Variants in GUCY1B1 observed in about 807,000 individuals in gnomAD.
GUCY1B1 encodes guanylate cyclase 1 soluble subunit beta 1, also known as guanylate cyclase soluble subunit beta-1.
GUCY1B1 carries 43 observed loss-of-function variants against 71.0 expected under a neutral mutation model. That is an observed-to-expected ratio of 0.61 (90% CI 0.47 to 0.78). The LOEUF (loss-of-function observed/expected upper bound fraction) is 0.78, where lower values mean the gene tolerates loss of function less well. Ranked by LOEUF, GUCY1B1 falls within the 30% of genes least tolerant of loss-of-function variation. The pLI is 0.00. For synonymous variants in GUCY1B1, 266 were observed against 259.7 expected (o/e 1.02, Z -0.23); for missense variants, 535 against 754.1 (o/e 0.71, Z 3.40).
At position 155,802,620 on chromosome 4, in the gene GUCY1B1, C is replaced by T. The variant is rs1188974629; in HGVS notation, c.1413+41C>T. The T allele has an allele frequency of 2.0e-6, 3 of 1,496,104 alleles. No individual in the cohort carries two copies. The highest frequency in any genetic ancestry group is 2.2e-5 in the Admixed American group (1 of 44,452). The allele number at this position is 1,496,104 out of a possible 1,614,324, so 92.7% of individuals were successfully genotyped here. A position where few individuals can be genotyped will look rare whatever the true frequency, so the allele number is the denominator to read the frequency against. On this transcript the variant is annotated intron_variant, in intron 10 of 13. Coordinates refer to ENST00000264424, the MANE Select transcript of GUCY1B1 (RefSeq NM_000857.5). This position sits in a 1 kb window ranked among gnomAD's most constrained non-coding sequence, Gnocchi z 4.3. ...CGCTGACTGCAGAGCTATCCAGAGG[C>T]TGGCGTTCTGAGACTCCCCTCCAGA...
At chr4:155,779,431 CA>C (rs1309310762) in intron 4 of GUCY1B1, among the ~76,000 whole-genome samples, 1 of 152,122 alleles carries the variant, frequency 6.6e-6, no homozygotes, top group African/African-American at 2.4e-5. Context: ...TGATTGATTT[CA>C]TGTTAAAATG....
rs1053672135 is a variant in GUCY1B1 at position 155,803,716 on chromosome 4, C to T, written c.1506C>T (p.Asp502=). The T allele has an allele frequency of 3.1e-6, 5 of 1,601,712 alleles. No homozygotes were observed. In the African/African-American group the frequency reaches 5.4e-5, roughly 17 times the overall value. ...HARSICHLAL[D]MMEIAGQVQV... ...GATCCATCTGCCACCTGGCCTTGGA[C>T]ATGATGGAAATTGCTGGCCAGGTTC... The change falls in exon 11 of 14, where the codon GAC becomes GAT. Residue 502 remains aspartate, a synonymous_variant. Coordinates refer to ENST00000264424, the MANE Select transcript of GUCY1B1 (RefSeq NM_000857.5).
At chr4:155,794,132 A>T in intron 6 of GUCY1B1, 46 bp downstream of exon 6, 1 of 1,016,978 alleles carries the variant, frequency 9.8e-7, no homozygotes, top group South Asian at 1.4e-5. Flanking sequence ...AAAAGCCCAT[A>T]GAAATACTAT....
At chr4:155,798,513 G>T (rs1241925753) in intron 8 of GUCY1B1, among the ~76,000 whole-genome samples, 1 of 152,104 alleles carries the variant, frequency 6.6e-6, no homozygotes, top group East Asian at 1.9e-4. Flanking sequence ...GAAATTAAAA[G>T]ACACCGTGTA....
intron 4 of GUCY1B1, among the ~76,000 whole-genome samples, chr4:155,778,701 A>C (rs1738219395): frequency 6.6e-6 from 1 of 152,246 alleles, no homozygotes; most frequent in Admixed American, 6.5e-5. Context: ...AAAAGCTGCC[A>C]CTTCCAAATG....
intron 10 of GUCY1B1, among the ~76,000 whole-genome samples, chr4:155,803,051 A>G (rs761162564): frequency 6.6e-6 from 1 of 152,206 alleles, no homozygotes; most frequent in Non-Finnish European, 1.5e-5. Flanking sequence ...CCTTTGTTTC[A>G]TTTAGAAATA....
intron 1 of GUCY1B1, 162 bp from the exon 2 acceptor site, chr4:155,759,625 C>T (rs1579176982): frequency 1.8e-6 from 1 of 552,782 alleles, no homozygotes; most frequent in East Asian, 3.2e-5. Flanking sequence ...TGCGCCCCCA[C>T]GATCCGACTC....
At chr4:155,771,284 G>A (rs1437644941) in intron 2 of GUCY1B1, among the ~76,000 whole-genome samples, 1 of 152,140 alleles carries the variant, frequency 6.6e-6, no homozygotes, top group Non-Finnish European at 1.5e-5. Context: ...GGTCATTTCA[G>A]GAAGTAAAGC....
chr4:155,797,394 T>C (rs1383881558), intron 8 of GUCY1B1, among the ~76,000 whole-genome samples: 1 of 152,212 alleles, frequency 6.6e-6, no homozygotes, highest in Non-Finnish European at 1.5e-5. Context: ...CCTCCTGTTA[T>C]ATTATTACTA....
chr4:155,789,988 T>C, intron 5 of GUCY1B1, 77 bp downstream of exon 5: 1 of 934,054 alleles, frequency 1.1e-6, no homozygotes, highest in Non-Finnish European at 1.7e-6. Flanking sequence ...TAAATTTACC[T>C]GCAGTTATCA....
At chr4:155,789,301 T>C (rs993291315) in intron 4 of GUCY1B1, among the ~76,000 whole-genome samples, 1 of 152,244 alleles carries the variant, frequency 6.6e-6, no homozygotes. Context: ...AGTTTTAGAA[T>C]TGCAGTATAA....
intron 9 of GUCY1B1, among the ~76,000 whole-genome samples, chr4:155,800,605 T>C (rs1739879641): frequency 6.6e-6 from 1 of 152,190 alleles, no homozygotes; most frequent in Non-Finnish European, 1.5e-5. Context: ...GTGACATACA[T>C]TAGCAAAAAT....
intron 4 of GUCY1B1, among the ~76,000 whole-genome samples, chr4:155,788,938 AC>A (rs1738976610): frequency 6.6e-6 from 1 of 152,182 alleles, no homozygotes; most frequent in South Asian, 2.1e-4. Context: ...TGTATAGCTT[AC>A]ACCGTTTCTT....
At position 155,806,606 on chromosome 4, in the gene GUCY1B1, T is replaced by C; in HGVS notation, c.*197T>C. On this transcript the variant is annotated 3_prime_UTR_variant, in exon 14 of 14. Coordinates refer to ENST00000264424, the MANE Select transcript of GUCY1B1 (RefSeq NM_000857.5). ...CTCTGCTTTCTATTACTTTTTAGGCTTTAGTATATTATCTAAAGTTTGGCT... is the reference window on the plus strand; with the variant it reads ...CTCTGCTTTCTATTACTTTTTAGGCCTTAGTATATTATCTAAAGTTTGGCT... 1 of 465,642 alleles carries C rather than the reference T, an allele frequency of 2.1e-6. No individual in the cohort carries two copies. Among genetic ancestry groups the C allele is most frequent in the Non-Finnish European group, 3.8e-6 (1 of 260,434 alleles). 28.8% of individuals were successfully genotyped at this position (465,642 alleles called of 1,614,324 possible).
intron 4 of GUCY1B1, among the ~76,000 whole-genome samples, chr4:155,787,363 G>A (rs2111094710): frequency 6.6e-6 from 1 of 152,266 alleles, no homozygotes; most frequent in East Asian, 1.9e-4. Context: ...GACTCCATCA[G>A]GTATAATTGT....
intron 5 of GUCY1B1, 124 bp from the exon 6 acceptor site, chr4:155,793,732 A>G: frequency 1.7e-6 from 1 of 598,862 alleles, no homozygotes; most frequent in Non-Finnish European, 3.0e-6. Context: ...GTATTTGCAT[A>G]TATGTTTTGA....
At position 155,803,669 on chromosome 4, in the gene GUCY1B1, G is replaced by A. The variant is rs1740109515; in HGVS notation, c.1459G>A (p.Glu487Lys). Residue 487 changes from glutamate (E) to lysine (K), a missense_variant, in exon 11 of 14, where the codon GAG becomes AAG. Coordinates refer to ENST00000264424, the MANE Select transcript of GUCY1B1 (RefSeq NM_000857.5). Reference protein sequence around the residue: ...DKYMTVSGLPEPCIHHARSIC... With the variant: ...DKYMTVSGLPKPCIHHARSIC... ...GTATATGACAGTGAGTGGTTTACCA[G>A]AGCCATGCATTCACCATGCACGATC... 1 of 1,605,948 alleles carries A rather than the reference G, an allele frequency of 6.2e-7. No homozygotes were observed. Among genetic ancestry groups the A allele is most frequent in the Admixed American group, 1.7e-5 (1 of 59,030 alleles).
chr4:155,759,181 C>G, intron 1 of GUCY1B1, 38 bp downstream of exon 1: 1 of 1,553,090 alleles, frequency 6.4e-7, no homozygotes, highest in Non-Finnish European at 8.7e-7. Flanking sequence ...GAACCTCACC[C>G]CTCCTCGGCC....
chr4:155,777,442 A>G (rs566782888), intron 3 of GUCY1B1, 82 bp from the exon 4 acceptor site: 23 of 792,304 alleles, frequency 2.9e-5, no homozygotes, highest in Non-Finnish European at 5.1e-5. Context: ...ACATTACTTA[A>G]TAAACACTTA....
Sources: allele counts gnomAD v4.1 joint callset (sites outside exome capture counted in the v4.1 genomes callset), GRCh38; gene constraint gnomAD v4.1.1; non-coding constraint Gnocchi (gnomAD v3.1); transcripts MANE v1.5; gene names NCBI Gene and HGNC (gene_info 2026-07-23, HGNC 2026-07-21).